Variants in BAZ2B observed in about 807,000 individuals in gnomAD.
BAZ2B encodes the protein bromodomain adjacent to zinc finger domain protein 2B.
BAZ2B carries 91 observed loss-of-function variants against 246.0 expected under a neutral mutation model. The observed-to-expected ratio is 0.37, with a 90% CI of 0.31 to 0.44. BAZ2B has a LOEUF of 0.44. BAZ2B is among the 20% of genes least tolerant of loss of function. The pLI, the probability that BAZ2B is intolerant of heterozygous loss-of-function variation, is 1.00. For missense variants in BAZ2B, 2,332 were observed against 2,533.7 expected (o/e 0.92, Z 1.71); for synonymous variants, 855 against 860.0 (o/e 0.99, Z 0.10).
At chr2:159,704,852 A>C in the BAZ2B span, among the ~76,000 whole-genome samples, 4 of 151,760 alleles carry the variant, frequency 2.6e-5, no homozygotes, top group Admixed American at 2.0e-4. Context: ...ACAGGTGCCC[A>C]CCACCACGCC....
At position 159,397,369 on chromosome 2, in the gene BAZ2B, T is replaced by C. The variant is rs772251450; in HGVS notation, c.2985A>G (p.Gln995=). Residue 995 remains glutamine (Q), a synonymous_variant, in exon 19 of 37, where the codon CAA becomes CAG. Coordinates refer to ENST00000392783, the MANE Select transcript of BAZ2B (RefSeq NM_013450.4). The stretch of plus-strand genomic sequence containing the variant: ...CCTGATGTTTCAGAAGAACAGCTTG[T>C]TGTCTTCTCATTTCTTTTTCCTTAA... The part of the protein sequence containing the change: ...KRIKEKEMRR[Q]QAVLLKHQER... 3.2e-6 allele frequency: 5 copies of C among 1,552,300 alleles called. No individual in the cohort carries two copies. The highest frequency in any genetic ancestry group is 2.8e-5 in the African/African-American group (2 of 72,708).
At chr2:159,414,263 C>G (rs1243928887) in intron 13 of BAZ2B, among the ~76,000 whole-genome samples, 1 of 151,868 alleles carries the variant, frequency 6.6e-6, no homozygotes, top group African/African-American at 2.4e-5. Flanking sequence ...TTACCAGAGG[C>G]TGGGAAGGAT....
chr2:159,374,818 T>C, intron 25 of BAZ2B, 65 bp from the exon 26 acceptor site: 1 of 1,463,154 alleles, frequency 6.8e-7, no homozygotes, highest in African/African-American at 1.4e-5. Context: ...TCAGTAAATA[T>C]TTAATGAAAG....
chr2:159,334,015 C>G (rs764858138), intron 33 of BAZ2B, among the ~76,000 whole-genome samples: 1 of 151,948 alleles, frequency 6.6e-6, no homozygotes, highest in South Asian at 2.1e-4. Flanking sequence ...TGAGTTACAT[C>G]GTTAAAACTT....
chr2:159,697,908 C>T, the BAZ2B span, among the ~76,000 whole-genome samples: 11 of 152,038 alleles, frequency 7.2e-5, no homozygotes, highest in South Asian at 1.9e-3. Flanking sequence ...AGTTGAGTAA[C>T]GGAAATTTGG....
At chr2:159,318,546 T>A (rs1214758076), downstream of BAZ2B, among the ~76,000 whole-genome samples, 1 of 152,246 alleles carries the variant, frequency 6.6e-6, no homozygotes, top group Non-Finnish European at 1.5e-5. Context: ...GCCTGTCTTG[T>A]ACGCCAATGA....
At chr2:159,602,790 T>C (rs1291191503) in intron 1 of BAZ2B, among the ~76,000 whole-genome samples, 1 of 152,110 alleles carries the variant, frequency 6.6e-6, no homozygotes, top group East Asian at 1.9e-4. Flanking sequence ...AGAAATAACT[T>C]AGAATAAAAA....
the BAZ2B span, among the ~76,000 whole-genome samples, chr2:159,636,526 C>T: frequency 9.9e-5 from 15 of 152,266 alleles, 1 homozygote; most frequent in East Asian, 2.1e-3. Context: ...TCACTCATCG[C>T]GGTGGTCAGC....
Position 159,446,789 on chromosome 2 carries a change from T to G in BAZ2B, c.689A>C (p.Lys230Thr), listed in dbSNP as rs2074317542. The G allele has an allele frequency of 1.9e-6, 3 of 1,606,006 alleles. No individual in the cohort carries two copies. Among genetic ancestry groups the G allele is most frequent in the Non-Finnish European group, 2.6e-6 (3 of 1,176,224 alleles). Residue 230 changes from lysine to threonine, a missense_variant, in exon 6 of 37, where the codon AAA becomes ACA. Lys to Thr is a moderately conservative substitution (Grantham distance 78). Coordinates refer to ENST00000392783, the MANE Select transcript of BAZ2B (RefSeq NM_013450.4). Reference protein sequence around the residue: ...QPLDARVDKIKDKKPRKKAME... With the variant: ...QPLDARVDKITDKKPRKKAME... ...CTTCCAAGTACAACTTACCTTATCTTTGATTTTGTCAACTCTAGCATCCAA... is the reference window on the plus strand; with the variant it reads ...CTTCCAAGTACAACTTACCTTATCTGTGATTTTGTCAACTCTAGCATCCAA...
chr2:159,350,071 A>T lies in BAZ2B; in HGVS notation c.4500T>A (p.Tyr1500Ter), dbSNP rs758897824. ...CCAGTGAATGTTTTCCACTGTTCTG[A>T]TAAGACAACGTGCACCCATTTGCAC... ...NAGANGCTLS[Y>*]QNSGKHSLGS... Residue 1500 changes from tyrosine to a stop codon, truncating the protein, a stop_gained, in exon 28 of 37, where the codon TAT becomes TAA. Transcript: ENST00000392783. LOFTEE classifies it high-confidence loss of function. 2 of 1,613,976 alleles carry T rather than the reference A, an allele frequency of 1.2e-6. No individual in the cohort carries two copies. Among genetic ancestry groups the T allele is most frequent in the African/African-American group, 1.3e-5 (1 of 74,916 alleles).
intron 2 of BAZ2B, among the ~76,000 whole-genome samples, chr2:159,498,928 G>A (rs1228876603): frequency 1.3e-5 from 2 of 152,120 alleles, no homozygotes; most frequent in South Asian, 4.1e-4. Flanking sequence ...TTAAGTTGGA[G>A]AAAATATTTT....
At chr2:159,531,319 AAATTTTTTTCGATC>A (rs2085355480) in intron 2 of BAZ2B, among the ~76,000 whole-genome samples, 1 of 152,210 alleles carries the variant, frequency 6.6e-6, no homozygotes, top group African/African-American at 2.4e-5. Flanking sequence ...ATTCTAAAAA[AAATTTTTTTCGATC>A]AATTTTTTTG....
At chr2:159,685,689 A>G in the BAZ2B span, among the ~76,000 whole-genome samples, 1 of 152,208 alleles carries the variant, frequency 6.6e-6, no homozygotes, top group Admixed American at 6.5e-5. Context: ...TTTGAGTGAC[A>G]AAACAAATAA....
chr2:159,475,983 G>A (rs1388199639), intron 3 of BAZ2B, among the ~76,000 whole-genome samples: 1 of 152,118 alleles, frequency 6.6e-6, no homozygotes, highest in African/African-American at 2.4e-5. Flanking sequence ...TGTCACTGCC[G>A]CTAGGAGGTG....
At chr2:159,413,613 C>G (rs1001178570) in intron 13 of BAZ2B, among the ~76,000 whole-genome samples, 5 of 152,108 alleles carry the variant, frequency 3.3e-5, no homozygotes, top group African/African-American at 1.2e-4. Flanking sequence ...GAGGATGAGG[C>G]AGGAGAATTG....
chr2:159,433,492 A>C (rs1055123418), intron 8 of BAZ2B, 129 bp from the exon 9 acceptor site: 12 of 837,104 alleles, frequency 1.4e-5, no homozygotes, highest in Admixed American at 3.2e-5. Flanking sequence ...ATGATATACA[A>C]ATGCTGTAAA....
At chr2:159,438,929 C>T (rs1051621511) in intron 7 of BAZ2B, 80 bp downstream of exon 7, 82 of 1,421,628 alleles carry the variant, frequency 5.8e-5, no homozygotes, top group South Asian at 2.5e-4. Flanking sequence ...TTTAAAACTA[C>T]AGACTTTGAG....
chr2:159,588,633 TG>T (rs1688606893), intron 1 of BAZ2B, among the ~76,000 whole-genome samples: 1 of 152,198 alleles, frequency 6.6e-6, no homozygotes, highest in Non-Finnish European at 1.5e-5. Flanking sequence ...CTGCTGGCCC[TG>T]CAGACTCAAT....
At chr2:159,399,561 G>T (rs2064635550) in intron 17 of BAZ2B, among the ~76,000 whole-genome samples, 1 of 151,796 alleles carries the variant, frequency 6.6e-6, no homozygotes, top group Non-Finnish European at 1.5e-5. Context: ...TCAAACATAA[G>T]CTTCATAATC....
Sources: gnomAD v4.1 joint callset for allele counts (sites outside exome capture counted in the v4.1 genomes callset) on GRCh38, gnomAD v4.1.1 for gene constraint, MANE v1.5 for transcripts, NCBI Gene and HGNC (gene_info 2026-07-23, HGNC 2026-07-21) for gene names.